Variants in TRAPPC8 observed in about 807,000 individuals in gnomAD.
TRAPPC8 encodes the protein trafficking protein particle complex subunit 8, also known as general sporulation gene 1 homolog.
A neutral mutation model predicts 174.3 loss-of-function variants in TRAPPC8; 54 were observed. That is an observed-to-expected ratio of 0.31 (90% CI 0.25 to 0.39). The LOEUF is 0.39. Among genes scored for constraint, TRAPPC8 ranks in the 10% least tolerant of loss-of-function variants. The pLI, the probability that TRAPPC8 is intolerant of heterozygous loss-of-function variation, is 1.00. For synonymous variants in TRAPPC8, 630 were observed against 579.9 expected, an observed-to-expected ratio of 1.09 and a Z score of -1.24; for missense variants, 1,531 against 1,699.1, an observed-to-expected ratio of 0.90 and a Z score of 1.74.
intron 10 of TRAPPC8, among the ~76,000 whole-genome samples, chr18:31,898,664 C>T (rs62093860): frequency 0.26 from 39,828 of 152,134 alleles, 5,722 homozygotes; most frequent in South Asian, 0.52. Flanking sequence ...TTACAGCCAG[C>T]GTTGTCTGAT....
At chr18:31,920,580 C>T (rs1354375430) in intron 2 of TRAPPC8, among the ~76,000 whole-genome samples, 2 of 150,202 alleles carry the variant, frequency 1.3e-5, no homozygotes, top group Non-Finnish European at 1.5e-5. Context: ...GCAGGCAGAT[C>T]GATTGAGCTC....
At chr18:31,848,958 A>G (rs1290953057) in intron 25 of TRAPPC8, among the ~76,000 whole-genome samples, 1 of 152,104 alleles carries the variant, frequency 6.6e-6, no homozygotes, top group Non-Finnish European at 1.5e-5. Flanking sequence ...TTTTTTTAAC[A>G]GGGTAAAATA....
At position 31,942,901 on chromosome 18, in the gene TRAPPC8, C is replaced by G. The variant is rs903744322; in HGVS notation, c.-137G>C. 833 of 1,242,908 alleles carry G rather than the reference C, an allele frequency of 6.7e-4. No individual in the cohort carries two copies. The highest frequency in any genetic ancestry group is 7.8e-4 in the Non-Finnish European group (777 of 993,834). The allele number at this position is 1,242,908 out of a possible 1,614,324, so 77.0% of individuals were successfully genotyped here. ...CCCCGAACGCACTGGAGCCTAGAAACAAGAAGGAACAGACGCCGCCGCTTC... is the reference window on the plus strand; with the variant it reads ...CCCCGAACGCACTGGAGCCTAGAAAGAAGAAGGAACAGACGCCGCCGCTTC... On this transcript the variant is annotated 5_prime_UTR_variant, in exon 1 of 29. Coordinates refer to ENST00000283351, the MANE Select transcript of TRAPPC8 (RefSeq NM_014939.5).
intron 2 of TRAPPC8, among the ~76,000 whole-genome samples, chr18:31,928,027 A>G (rs1485678901): frequency 6.6e-6 from 1 of 151,732 alleles, no homozygotes; most frequent in African/African-American, 2.4e-5. Context: ...GTGGTGGTGC[A>G]CACCTGTAGT....
At chr18:31,840,443 C>T (rs910436897) in intron 26 of TRAPPC8, among the ~76,000 whole-genome samples, 1 of 152,076 alleles carries the variant, frequency 6.6e-6, no homozygotes, top group African/African-American at 2.4e-5. Flanking sequence ...AGTAGAGAAA[C>T]ATCCCATTTC....
chr18:31,846,060 A>G lies in TRAPPC8; in HGVS notation c.3837+656T>C, dbSNP rs181946869. Among the ~76,000 whole-genome samples, 217 of 152,318 alleles carry G rather than the reference A, an allele frequency of 1.4e-3. 2 individuals are homozygous for G. The highest frequency in any genetic ancestry group is 6.8e-3 in the Middle Eastern group (2 of 294). On this transcript the variant is annotated intron_variant, in intron 26 of 28. Transcript: ENST00000283351. ...ATGATATCCTGTTATAACAAATAAGAAAATATAGAGATATAGTTTCTCTAC... is the reference window on the plus strand; with the variant it reads ...ATGATATCCTGTTATAACAAATAAGGAAATATAGAGATATAGTTTCTCTAC...
At chr18:31,940,215 G>A (rs767396805) in intron 1 of TRAPPC8, among the ~76,000 whole-genome samples, 1 of 152,108 alleles carries the variant, frequency 6.6e-6, no homozygotes, top group Non-Finnish European at 1.5e-5. Flanking sequence ...GGTGGCTCAC[G>A]CCTGTAATCC....
chr18:31,942,235 G>C lies in TRAPPC8; in HGVS notation c.157+373C>G, dbSNP rs934974847. On this transcript the variant is annotated intron_variant, in intron 1 of 28. Transcript: ENST00000283351. ...AGGTCTTCCTTACTCAGACCCTGTC[G>C]GTCTAAGAGGCAGCATTTTCCTACC... is the stretch of plus-strand genomic sequence containing the variant. Among the ~76,000 whole-genome samples the C allele has an allele frequency of 3.9e-5, 6 of 152,282 alleles. No homozygotes were observed. The East Asian group carries it at 5.8e-4, about 15-fold the overall frequency.
At chr18:31,901,077 G>A (rs1337466542) in intron 9 of TRAPPC8, 52 bp from the exon 10 acceptor site, 1 of 1,454,562 alleles carries the variant, frequency 6.9e-7, no homozygotes, top group African/African-American at 1.5e-5. Context: ...CAGTCTTACA[G>A]TTTAGATGGG....
intron 9 of TRAPPC8, among the ~76,000 whole-genome samples, chr18:31,904,387 T>C (rs1265565637): frequency 1.3e-5 from 2 of 152,142 alleles, no homozygotes; most frequent in Non-Finnish European, 2.9e-5. Flanking sequence ...CTGTCTCTAC[T>C]AAAAATACAA....
chr18:31,920,682 G>A (rs1415473267), intron 2 of TRAPPC8, among the ~76,000 whole-genome samples: 4 of 152,022 alleles, frequency 2.6e-5, no homozygotes, highest in African/African-American at 9.7e-5. Flanking sequence ...GCTCACACCT[G>A]TAATCCCAAC....
chr18:31,852,878 T>C (rs1313648049), intron 22 of TRAPPC8: 1 of 436,090 alleles, frequency 2.3e-6, no homozygotes, highest in Non-Finnish European at 4.2e-6. Context: ...TGTGCACATG[T>C]ATATATATAT....
intron 26 of TRAPPC8, among the ~76,000 whole-genome samples, chr18:31,842,252 T>A (rs1448135089): frequency 6.6e-6 from 1 of 152,200 alleles, no homozygotes; most frequent in East Asian, 1.9e-4. Flanking sequence ...TTTCTCAGAG[T>A]TAAGTAATGG....
Position 31,942,862 on chromosome 18 carries a change from C to A in TRAPPC8, c.-98G>T. 1 of 1,257,674 alleles carries A rather than the reference C, an allele frequency of 8.0e-7. No individual in the cohort carries two copies. The highest frequency in any genetic ancestry group is 1.0e-6 in the Non-Finnish European group (1 of 1,000,452). 77.9% of individuals were successfully genotyped at this position (1,257,674 alleles called of 1,614,324 possible). ...TACCGCCGCCGCCCGCCGGCCTGGC[C>A]CGGCCGGGCGGGGCCCCGAACGCAC... On this transcript the variant is annotated 5_prime_UTR_variant, in exon 1 of 29. Transcript: ENST00000283351.
intron 13 of TRAPPC8, 42 bp downstream of exon 13, chr18:31,874,438 T>C (rs778659107): frequency 4.6e-6 from 7 of 1,536,378 alleles, no homozygotes; most frequent in South Asian, 4.5e-5. Context: ...CACACTAAAA[T>C]ACAGTTTTAA....
chr18:31,942,245 G>A (rs529988023), intron 1 of TRAPPC8, among the ~76,000 whole-genome samples: 1 of 152,206 alleles, frequency 6.6e-6, no homozygotes, highest in Non-Finnish European at 1.5e-5. Flanking sequence ...GGTCTAAGAG[G>A]CAGCATTTTC....
chr18:31,892,686 T>C (rs1340765288), intron 11 of TRAPPC8, among the ~76,000 whole-genome samples: 1 of 152,134 alleles, frequency 6.6e-6, no homozygotes, highest in Non-Finnish European at 1.5e-5. Context: ...AATAAGAGTA[T>C]ATGTGTTCCA....
intron 2 of TRAPPC8, among the ~76,000 whole-genome samples, chr18:31,920,368 C>G (rs548600082): frequency 6.6e-6 from 1 of 152,308 alleles, no homozygotes; most frequent in East Asian, 1.9e-4. Flanking sequence ...CAGGAGAAAA[C>G]TGATGAACAA....
intron 28 of TRAPPC8, among the ~76,000 whole-genome samples, chr18:31,831,573 CTTAG>C (rs1225940905): frequency 2.0e-5 from 3 of 152,114 alleles, no homozygotes; most frequent in East Asian, 3.9e-4. Flanking sequence ...CTTTTAACTC[CTTAG>C]TTAGCCATAT....
Sources: allele counts gnomAD v4.1 joint callset (sites outside exome capture counted in the v4.1 genomes callset), GRCh38; gene constraint gnomAD v4.1.1; transcripts MANE v1.5; gene names NCBI Gene and HGNC (gene_info 2026-07-23, HGNC 2026-07-21).